Variants in APCDD1L observed in about 807,000 individuals in gnomAD.
APCDD1L encodes the protein protein APCDD1-like.
Under a neutral mutation model 24.2 loss-of-function variants are expected in APCDD1L, and 21 were observed. That is an observed-to-expected ratio of 0.87 (90% confidence interval 0.61 to 1.25). The LOEUF (loss-of-function observed/expected upper bound fraction) is 1.25. Among genes scored for constraint, APCDD1L ranks in the 50% most tolerant of loss-of-function variants. APCDD1L has a pLI of 0.00. For missense variants in APCDD1L, 704 were observed against 711.7 expected (o/e 0.99, Z 0.12); for synonymous variants, 321 against 323.6 (o/e 0.99, Z 0.09).
In APCDD1L at chr20:58,461,812, C is replaced by T. The variant is rs919549775; in HGVS notation, c.742-258G>A. The T allele has an allele frequency of 2.6e-5, 10 of 385,628 alleles. No homozygotes were observed. The East Asian group carries it at 3.0e-4, about 12-fold the overall frequency. The allele number at this position is 385,628 out of a possible 1,614,324, so 23.9% of individuals were successfully genotyped here. A position where few individuals can be genotyped will look rare whatever the true frequency, so the allele number is the denominator to read the frequency against. ...GCTGTCTCTTCCACCTGGAATTCCC[C>T]GCCAGCTCCTTCTTACCTCTTAGGT... On this transcript the variant is annotated intron_variant, in intron 3 of 3. Coordinates refer to ENST00000371149, the MANE Select transcript of APCDD1L (RefSeq NM_153360.3). The surrounding 1 kb of genome is among the most constrained non-coding windows in gnomAD (Gnocchi z 6.0).
At chr20:58,480,946 GT>G (rs1397402896) in intron 1 of APCDD1L, among the ~76,000 whole-genome samples, 1 of 152,236 alleles carries the variant, frequency 6.6e-6, no homozygotes, top group Non-Finnish European at 1.5e-5. Flanking sequence ...AGATGTTCCG[GT>G]GTTTTGGAGA....
intron 1 of APCDD1L, among the ~76,000 whole-genome samples, chr20:58,472,080 T>C (rs888145491): frequency 3.3e-5 from 5 of 152,176 alleles, no homozygotes. Flanking sequence ...CCCGCGGAGC[T>C]GCCTGACCCC....
At chr20:58,475,404 A>G (rs1989887916) in intron 1 of APCDD1L, among the ~76,000 whole-genome samples, 3 of 152,210 alleles carry the variant, frequency 2.0e-5, no homozygotes, top group South Asian at 4.1e-4. Flanking sequence ...TAGTTATCAT[A>G]ACAGCCTTGT....
At chr20:58,492,905 T>C (rs1990247404) in intron 1 of APCDD1L, among the ~76,000 whole-genome samples, 1 of 148,962 alleles carries the variant, frequency 6.7e-6, no homozygotes, top group Non-Finnish European at 1.5e-5. Flanking sequence ...ATACACATAA[T>C]GCAAGCATGC....
intron 1 of APCDD1L, among the ~76,000 whole-genome samples, chr20:58,496,185 C>T (rs1441220125): frequency 1.3e-5 from 2 of 152,222 alleles, no homozygotes; most frequent in African/African-American, 2.4e-5. Flanking sequence ...AACCTGTGCC[C>T]AGCCTGGGTC....
In APCDD1L at chr20:58,513,729, A is replaced by G. The variant is rs148517580; in HGVS notation, c.49+930T>C. The G allele has an allele frequency of 3.9e-4, 182 of 472,178 alleles. 1 individual carries two copies. In the East Asian group the frequency reaches 0.012, roughly 30 times the overall value. 29.2% of individuals were successfully genotyped at this position (472,178 alleles called of 1,614,324 possible). A position where few individuals can be genotyped will look rare whatever the true frequency, so the allele number is the denominator to read the frequency against. ...TCCTGCACGTGCTCTCGTAATCTTC[A>G]CAATCATCCCAGACGGAGGAGGGGA... is the stretch of plus-strand genomic sequence containing the variant. On this transcript the variant is annotated intron_variant, in intron 1 of 3. Transcript: ENST00000371149.
At chr20:58,513,987 C>T in intron 1 of APCDD1L, 3 of 1,275,964 alleles carry the variant, frequency 2.4e-6, no homozygotes, top group South Asian at 2.6e-5. Flanking sequence ...TGACTGGGCC[C>T]CTGTGATGGC....
At position 58,467,121 on chromosome 20, in the gene APCDD1L, C is replaced by A. The variant is rs1447650634; in HGVS notation, c.726G>T (p.Pro242=). The change falls in exon 3 of 4, where the codon CCG becomes CCT. Residue 242 remains proline (P), a synonymous_variant. Coordinates refer to ENST00000371149, the MANE Select transcript of APCDD1L (RefSeq NM_153360.3). The surrounding 1 kb of genome is among the most constrained non-coding windows in gnomAD (Gnocchi z 5.9). ...ACACACTCACCAGTGCGCTCTGCAG[C>A]GGGCGCTGGTAGCCCGTGGGCCGGT... ...RHYRPTGYQR[P]LQSALHHVQP... The A allele has an allele frequency of 6.2e-7, 1 of 1,606,522 alleles. No homozygotes were observed. The highest frequency in any genetic ancestry group is 1.1e-5 in the South Asian group (1 of 90,918).
At position 58,497,843 on chromosome 20, in the gene APCDD1L, T is replaced by C. The variant is rs1246704580; in HGVS notation, c.49+16816A>G. ...ACCTTGTGCGGCCTCTATTAATAGA[T>C]TCTCATATTAAAAGCTAAGTCTCAT... is the stretch of plus-strand genomic sequence containing the variant. On this transcript the variant is annotated intron_variant, in intron 1 of 3. Coordinates refer to ENST00000371149, the MANE Select transcript of APCDD1L (RefSeq NM_153360.3). The surrounding 1 kb of genome is among the most constrained non-coding windows in gnomAD (Gnocchi z 4.3). Among the ~76,000 whole-genome samples the C allele has an allele frequency of 1.3e-5, 2 of 152,124 alleles. No individual in the cohort carries two copies. The highest frequency in any genetic ancestry group is 2.9e-5 in the Non-Finnish European group (2 of 68,030).
At chr20:58,503,942 C>T (rs1045011399) in intron 1 of APCDD1L, among the ~76,000 whole-genome samples, 1 of 152,160 alleles carries the variant, frequency 6.6e-6, no homozygotes, top group Non-Finnish European at 1.5e-5. Flanking sequence ...CTGGTCACTG[C>T]CCTTAAAGTT....
At chr20:58,463,810 T>G (rs762742725) in intron 3 of APCDD1L, among the ~76,000 whole-genome samples, 2 of 144,904 alleles carry the variant, frequency 1.4e-5, no homozygotes, top group African/African-American at 2.6e-5. Flanking sequence ...ACAGCACTGC[T>G]GAGTGAGTTT....
At position 58,460,623 on chromosome 20, in the gene APCDD1L, C is replaced by T. The variant is rs1268330571; in HGVS notation, c.*167G>A. ...TGGTATAGGCTTTGCAGGGGTTAAG[C>T]TCATGTCCTGAGCCACATGGGACAC... On this transcript the variant is annotated 3_prime_UTR_variant, in exon 4 of 4. Coordinates refer to ENST00000371149, the MANE Select transcript of APCDD1L (RefSeq NM_153360.3). This position sits in a 1 kb window ranked among gnomAD's most constrained non-coding sequence, Gnocchi z 4.2. 2 of 900,342 alleles carry T rather than the reference C, an allele frequency of 2.2e-6. No homozygotes were observed. Among genetic ancestry groups the T allele is most frequent in the Non-Finnish European group, 3.1e-6 (2 of 641,440 alleles). The allele number at this position is 900,342 out of a possible 1,614,324, so 55.8% of individuals were successfully genotyped here.
chr20:58,481,484 AG>A (rs1028583347), intron 1 of APCDD1L, among the ~76,000 whole-genome samples: 10 of 152,312 alleles, frequency 6.6e-5, no homozygotes, highest in Middle Eastern at 3.4e-3. Flanking sequence ...TCTTCCCCAG[AG>A]GGGCCAAGAA....
intron 1 of APCDD1L, among the ~76,000 whole-genome samples, chr20:58,472,268 C>A (rs1333478088): frequency 1.3e-5 from 2 of 152,248 alleles, no homozygotes; most frequent in South Asian, 4.1e-4. Context: ...GGGTGTGGAC[C>A]CCTTGCTCTT....
intron 1 of APCDD1L, among the ~76,000 whole-genome samples, chr20:58,498,090 A>G (rs1990358508): frequency 1.3e-5 from 2 of 152,236 alleles, no homozygotes; most frequent in Non-Finnish European, 2.9e-5. Flanking sequence ...GTTTCAAAAC[A>G]GACTGAGGCG....
At chr20:58,491,872 A>G (rs1429899809) in intron 1 of APCDD1L, among the ~76,000 whole-genome samples, 1 of 152,238 alleles carries the variant, frequency 6.6e-6, no homozygotes, top group Non-Finnish European at 1.5e-5. Context: ...GAAAAGATAA[A>G]CAAATTGACC....
intron 1 of APCDD1L, among the ~76,000 whole-genome samples, chr20:58,507,441 T>C (rs1164900405): frequency 6.6e-6 from 1 of 152,124 alleles, no homozygotes; most frequent in East Asian, 1.9e-4. Context: ...GCTGTCTTTT[T>C]TCTCTGAGGT....
Position 58,461,525 on chromosome 20 carries a change from G to A in APCDD1L, c.771C>T (p.Gly257=), listed in dbSNP as rs1277903695. 2.1e-6 allele frequency: 3 copies of A among 1,442,606 alleles called. No individual in the cohort carries two copies. Among genetic ancestry groups the A allele is most frequent in the Non-Finnish European group, 2.7e-6 (3 of 1,093,054 alleles). The allele number at this position is 1,442,606 out of a possible 1,614,324, so 89.4% of individuals were successfully genotyped here. A position where few individuals can be genotyped will look rare whatever the true frequency, so the allele number is the denominator to read the frequency against. The change falls in exon 4 of 4, where the codon GGC becomes GGT. Residue 257 remains glycine (G), a synonymous_variant. Transcript: ENST00000371149. This position sits in a 1 kb window ranked among gnomAD's most constrained non-coding sequence, Gnocchi z 6.0. ...LHHVQPCPAC[G]LIARSDVHHP... ...GGTGCACATCGGAGCGGGCAATGAG[G>A]CCACAGGCTGGGCACGGCTGCACGT...
chr20:58,485,316 GTT>G (rs1990101077), intron 1 of APCDD1L, among the ~76,000 whole-genome samples: 1 of 152,150 alleles, frequency 6.6e-6, no homozygotes. Context: ...CAAAAATACT[GTT>G]TCAATTTATC....
Sources: gnomAD v4.1 joint callset for allele counts (sites outside exome capture counted in the v4.1 genomes callset) on GRCh38, gnomAD v4.1.1 for gene constraint, Gnocchi (gnomAD v3.1) non-coding constraint, MANE v1.5 for transcripts, NCBI Gene and HGNC (gene_info 2026-07-23, HGNC 2026-07-21) for gene names.